CCDC3: variants seen among roughly 807,000 people sequenced by gnomAD.
The protein encoded by CCDC3 is coiled-coil domain containing 3.
In CCDC3, 24 loss-of-function variants were observed where a neutral mutation model predicts 21.4. The ratio of observed to expected loss-of-function variants is 1.12; its 90% CI spans 0.81 to 1.58. The LOEUF is 1.58. CCDC3 is among the 40% of genes most tolerant of loss of function. CCDC3 has a pLI of 0.00. For missense variants in CCDC3, 425 were observed against 360.9 expected (o/e 1.18, Z -1.44); for synonymous variants, 186 against 166.0 (o/e 1.12, Z -0.93).
intron 2 of CCDC3, among the ~76,000 whole-genome samples, chr10:12,921,588 A>T (rs543372842): frequency 1.3e-5 from 2 of 152,346 alleles, no homozygotes; most frequent in Non-Finnish European, 2.9e-5. Context: ...AAAATTTACC[A>T]TCTTAACCAT....
chr10:13,033,713 T>C (rs1434712233), intron 5 of CCDC3, among the ~76,000 whole-genome samples: 7 of 152,170 alleles, frequency 4.6e-5, no homozygotes, highest in Non-Finnish European at 2.9e-5. Flanking sequence ...AAAGAAGACA[T>C]TTATGCAGGC....
upstream of CCDC3, chr10:13,001,828 CG>C (rs1226582951): frequency 1.9e-5 from 3 of 154,116 alleles, no homozygotes; most frequent in South Asian, 4.2e-4. Flanking sequence ...GGCGGGGAGT[CG>C]GGCGGGTCCC....
intron 2 of CCDC3, among the ~76,000 whole-genome samples, chr10:12,915,322 T>C (rs748745814): frequency 6.6e-5 from 10 of 152,228 alleles, no homozygotes; most frequent in Non-Finnish European, 1.5e-4. Flanking sequence ...GATGGAATGT[T>C]ATATATATGT....
At chr10:13,083,139 A>C (rs1837062885) in intron 3 of CCDC3, among the ~76,000 whole-genome samples, 1 of 152,150 alleles carries the variant, frequency 6.6e-6, no homozygotes, top group Admixed American at 6.5e-5. Context: ...GAGCTGACCC[A>C]TCAGTCCACC....
At chr10:12,972,124 A>G (rs1231066847) in intron 2 of CCDC3, among the ~76,000 whole-genome samples, 3 of 152,052 alleles carry the variant, frequency 2.0e-5, no homozygotes, top group African/African-American at 7.2e-5. Context: ...GTAACTCACT[A>G]TCAAACCACC....
rs145073220 is a variant in CCDC3, at chr10:12,927,005, T to A, written c.550-28326A>T. Reference sequence around the variant, plus strand: ...TTTCCATTTTGGAAAAAAAGGGATGTTAACATTTTTAGAGTAGTATATTAG... The same window carrying A: ...TTTCCATTTTGGAAAAAAAGGGATGATAACATTTTTAGAGTAGTATATTAG... On this transcript the variant is annotated intron_variant, in intron 2 of 2. Coordinates refer to ENST00000378825, the MANE Select transcript of CCDC3 (RefSeq NM_031455.4). 9.8e-5 allele frequency among the ~76,000 whole-genome samples: 15 copies of A among 152,340 alleles called. No homozygotes were observed. The East Asian group carries it at 1.9e-3, about 20-fold the overall frequency.
chr10:12,977,926 G>A (rs1222657903), intron 2 of CCDC3, among the ~76,000 whole-genome samples: 5 of 152,152 alleles, frequency 3.3e-5, no homozygotes, highest in South Asian at 2.1e-4. Context: ...ACTCAGGCCC[G>A]GGCTTGTGCG....
At chr10:12,956,550 T>C (rs560874685) in intron 2 of CCDC3, among the ~76,000 whole-genome samples, 1 of 152,322 alleles carries the variant, frequency 6.6e-6, no homozygotes, top group East Asian at 1.9e-4. Context: ...TTAATGAGTC[T>C]AGACTATATG....
intron 3 of CCDC3, among the ~76,000 whole-genome samples, chr10:13,074,482 G>A (rs1273749612): frequency 3.3e-5 from 5 of 150,282 alleles, no homozygotes; most frequent in South Asian, 2.1e-4. Flanking sequence ...CACCACAACC[G>A]GCGGAATCAA....
At chr10:12,929,778 AG>A (rs1189537465) in intron 2 of CCDC3, among the ~76,000 whole-genome samples, 2 of 152,186 alleles carry the variant, frequency 1.3e-5, no homozygotes, top group Non-Finnish European at 2.9e-5. Flanking sequence ...CTGTTTTAAA[AG>A]GGAGCTATGA....
chr10:12,940,227 TTG>T (rs375569753), intron 2 of CCDC3, among the ~76,000 whole-genome samples: 16,790 of 109,490 alleles, frequency 0.15, 1,485 homozygotes, highest in East Asian at 0.47. Context: ...ATCATTGAAA[TTG>T]TTTTTTTTTT....
At chr10:13,049,365 A>T (rs1229538782) in intron 5 of CCDC3, among the ~76,000 whole-genome samples, 1 of 152,128 alleles carries the variant, frequency 6.6e-6, no homozygotes, top group Non-Finnish European at 1.5e-5. Flanking sequence ...TTATTCCCTT[A>T]TTCAGAACAA....
chr10:12,905,632 CCT>C (rs1281010784), intron 2 of CCDC3, among the ~76,000 whole-genome samples: 4 of 152,194 alleles, frequency 2.6e-5, no homozygotes, highest in African/African-American at 9.7e-5. Flanking sequence ...TCTCCACGAT[CCT>C]TGTCAAAGGT....
chr10:12,986,666 C>T lies in CCDC3; in HGVS notation c.549+11672G>A, dbSNP rs185885197. Among the ~76,000 whole-genome samples the T allele has an allele frequency of 2.2e-3, 341 of 151,582 alleles. 6 individuals are homozygous for T. In the East Asian group the frequency reaches 0.056, roughly 25 times the overall value. Reference sequence around the variant, plus strand: ...GCGGACGCCTGTAGTCCCAGCTACTCGGGAGGCTGAGGCAGGAGAATGGCG... The same window carrying T: ...GCGGACGCCTGTAGTCCCAGCTACTTGGGAGGCTGAGGCAGGAGAATGGCG... On this transcript the variant is annotated intron_variant, in intron 2 of 2. Transcript: ENST00000378825.
At chr10:12,927,876 G>A (rs1834570518) in intron 2 of CCDC3, among the ~76,000 whole-genome samples, 1 of 152,202 alleles carries the variant, frequency 6.6e-6, no homozygotes, top group Non-Finnish European at 1.5e-5. Context: ...CTAACAAGAT[G>A]TATAAATTCT....
chr10:12,988,992 G>C (rs749726986), intron 2 of CCDC3, among the ~76,000 whole-genome samples: 1 of 152,150 alleles, frequency 6.6e-6, no homozygotes, highest in East Asian at 1.9e-4. Context: ...ATTATAAATA[G>C]CTCAAAAGCT....
rs1335474132 is a variant in CCDC3 at position 13,025,859 on chromosome 10, A to G, written c.-2+23815T>C. The stretch of plus-strand genomic sequence containing the variant: ...TAAGAGCATCATAATAGCACCAAAT[A>G]TCATCCCTCTTCCTGACAAATATCT... On this transcript the variant is annotated intron_variant, in intron 5 of 6. Transcript: ENST00000378839. Among the ~76,000 whole-genome samples, 3 of 152,316 alleles carry G rather than the reference A, an allele frequency of 2.0e-5. No individual in the cohort carries two copies. In the East Asian group the frequency reaches 5.8e-4, roughly 29 times the overall value.
At chr10:12,948,763 T>TG (rs1834963733) in intron 2 of CCDC3, among the ~76,000 whole-genome samples, 1 of 133,502 alleles carries the variant, frequency 7.5e-6, no homozygotes. Flanking sequence ...GACAGAGTCT[T>TG]GCTCTTTTGC....
At chr10:12,917,763 T>C (rs1220285474) in intron 2 of CCDC3, among the ~76,000 whole-genome samples, 2 of 152,330 alleles carry the variant, frequency 1.3e-5, no homozygotes, top group Middle Eastern at 3.4e-3. Context: ...GCTGTAATCA[T>C]TTCAGATGAC....
Sources: allele counts gnomAD v4.1 joint callset (sites outside exome capture counted in the v4.1 genomes callset), GRCh38; gene constraint gnomAD v4.1.1; transcripts MANE v1.5; gene names NCBI Gene and HGNC (gene_info 2026-07-23, HGNC 2026-07-21).